Variants in ZMYND8 observed in about 807,000 individuals in gnomAD.
ZMYND8 encodes the protein MYND-type zinc finger-containing chromatin reader ZMYND8.
A neutral mutation model predicts 140.8 loss-of-function variants in ZMYND8; 37 were observed. The ratio of observed to expected loss-of-function variants is 0.26; its 90% CI spans 0.20 to 0.35. ZMYND8 has a LOEUF of 0.35. Among genes scored for constraint, ZMYND8 ranks in the 10% least tolerant of loss-of-function variants. The probability of loss-of-function intolerance (pLI) is 1.00; values close to 1 mark genes in which losing one functional copy is unlikely to be tolerated. For missense variants in ZMYND8, 1,068 were observed against 1,570.0 expected (o/e 0.68, Z 5.40); for synonymous variants, 592 against 597.1 (o/e 0.99, Z 0.12).
chr20:47,305,866 T>C (rs1162298640), intron 3 of ZMYND8, among the ~76,000 whole-genome samples: 1 of 152,150 alleles, frequency 6.6e-6, no homozygotes, highest in Non-Finnish European at 1.5e-5. Context: ...AGAGTGGTAT[T>C]TATCTGTAAA....
In ZMYND8 at chr20:47,267,504, G is replaced by T. The variant is rs6018379; in HGVS notation, c.1481-5076C>A. ...ATGGTTCAGGGCCGGGGCGGGGGGG[G>T]GGCAATTAAAAGACTGGGCAACACT... On this transcript the variant is annotated intron_variant, in intron 11 of 22. Coordinates refer to ENST00000471951, the MANE Select transcript of ZMYND8 (RefSeq NM_001281775.3). 7.9e-5 allele frequency among the ~76,000 whole-genome samples: 11 copies of T among 139,098 alleles called. No individual in the cohort carries two copies. The South Asian group carries it at 1.3e-3, about 16-fold the overall frequency. The allele number at this position is 139,098 out of a possible 152,430, so 91.3% of individuals were successfully genotyped here.
chr20:47,279,817 CT>C (rs1238485853), intron 10 of ZMYND8, among the ~76,000 whole-genome samples: 1 of 150,458 alleles, frequency 6.6e-6, no homozygotes, highest in Non-Finnish European at 1.5e-5. Context: ...TTTTACATAA[CT>C]GTGCATCTAT....
At chr20:47,332,810 C>T (rs910912577) in intron 2 of ZMYND8, among the ~76,000 whole-genome samples, 1 of 152,158 alleles carries the variant, frequency 6.6e-6, no homozygotes, top group Non-Finnish European at 1.5e-5. Flanking sequence ...TAAATCTATA[C>T]CCAAGAGAAA....
intron 2 of ZMYND8, chr20:47,319,182 C>A: frequency 4.1e-6 from 2 of 488,838 alleles, no homozygotes; most frequent in Non-Finnish European, 7.1e-6. Context: ...TCTTTGCAAT[C>A]AGGCAGTCTG....
Position 47,298,372 on chromosome 20 carries a change from A to T in ZMYND8, c.453+357T>A. 1.0e-6 allele frequency: 1 copy of T among 985,428 alleles called. No individual in the cohort carries two copies. Among genetic ancestry groups the T allele is most frequent in the Non-Finnish European group, 1.2e-6 (1 of 829,932 alleles). The allele number at this position is 985,428 out of a possible 1,614,324, so 61.0% of individuals were successfully genotyped here. A position where few individuals can be genotyped will look rare whatever the true frequency, so the allele number is the denominator to read the frequency against. On this transcript the variant is annotated intron_variant, in intron 4 of 22. Transcript: ENST00000471951. This position sits in a 1 kb window ranked among gnomAD's most constrained non-coding sequence, Gnocchi z 5.0. ...ATGATGCGGCAGGCAACAACATCCAAGACGGAGAAAACAGAATGAGATCTT... is the reference window on the plus strand; with the variant it reads ...ATGATGCGGCAGGCAACAACATCCATGACGGAGAAAACAGAATGAGATCTT...
chr20:47,241,365 G>A (rs762693956), intron 14 of ZMYND8, among the ~76,000 whole-genome samples: 3 of 151,816 alleles, frequency 2.0e-5, no homozygotes, highest in Non-Finnish European at 4.4e-5. Flanking sequence ...ACTTGAGAAC[G>A]GGAAAGACAA....
intron 11 of ZMYND8, 41 bp from the exon 12 acceptor site, chr20:47,262,469 A>G (rs575261022): frequency 1.2e-6 from 2 of 1,612,340 alleles, no homozygotes; most frequent in East Asian, 4.5e-5. Context: ...GTTTACAAAT[A>G]AACAAGTAGA....
intron 12 of ZMYND8, among the ~76,000 whole-genome samples, chr20:47,258,794 T>C (rs1248421854): frequency 6.6e-6 from 1 of 152,142 alleles, no homozygotes; most frequent in Admixed American, 6.5e-5. Context: ...TCCTTAACAT[T>C]GCCCTGCTTG....
At chr20:47,342,846 C>CA (rs1041501318) in intron 2 of ZMYND8, among the ~76,000 whole-genome samples, 322 of 74,656 alleles carry the variant, frequency 4.3e-3, no homozygotes, top group South Asian at 7.1e-3. Flanking sequence ...GACTACATCT[C>CA]AAAAAAAAAA....
At chr20:47,265,667 T>G (rs2075468699) in intron 11 of ZMYND8, among the ~76,000 whole-genome samples, 1 of 152,196 alleles carries the variant, frequency 6.6e-6, no homozygotes, top group African/African-American at 2.4e-5. Context: ...GATCTCGAAC[T>G]CCTGACCTCA....
At chr20:47,283,501 A>C in intron 9 of ZMYND8, 70 bp downstream of exon 9, 2 of 1,509,764 alleles carry the variant, frequency 1.3e-6, no homozygotes, top group African/African-American at 2.8e-5. Flanking sequence ...ACCTGGAAAA[A>C]GCTGTCTCAG....
intron 21 of ZMYND8, 60 bp from the exon 22 acceptor site, chr20:47,212,785 C>T (rs1196808067): frequency 1.4e-6 from 2 of 1,454,272 alleles, no homozygotes; most frequent in African/African-American, 2.8e-5. Context: ...CCGCACAACC[C>T]CAAGTGCTTA....
intron 4 of ZMYND8, 122 bp from the exon 5 acceptor site, chr20:47,294,901 G>C: frequency 1.2e-6 from 1 of 857,428 alleles, no homozygotes; most frequent in South Asian, 1.6e-5. Flanking sequence ...AATGAGACTT[G>C]TTGTTTCACT....
At chr20:47,255,435 G>A (rs866126061) in intron 12 of ZMYND8, among the ~76,000 whole-genome samples, 7 of 151,262 alleles carry the variant, frequency 4.6e-5, no homozygotes, top group African/African-American at 1.7e-4. Flanking sequence ...AGGGCCGGGC[G>A]TGGTAGCTCA....
rs1569028745 is a variant in ZMYND8 at position 47,262,440 on chromosome 20, TG to T, written c.1481-13del. ...GGAGGCTGGTGAAGCTGAAAAAGTA[TG>T]GCATTGTTAAAAGACAGGTTTACAA... On this transcript the variant is annotated splice_polypyrimidine_tract_variant and intron_variant, in intron 11 of 22. Coordinates refer to ENST00000471951, the MANE Select transcript of ZMYND8 (RefSeq NM_001281775.3). The T allele has an allele frequency of 6.2e-7, 1 of 1,614,000 alleles. No individual in the cohort carries two copies. Among genetic ancestry groups the T allele is most frequent in the Admixed American group, 1.7e-5 (1 of 59,970 alleles).
At chr20:47,239,267 C>G (rs957546788) in intron 14 of ZMYND8, 129 bp from the exon 15 acceptor site, 1 of 1,246,192 alleles carries the variant, frequency 8.0e-7, no homozygotes, top group Non-Finnish European at 1.1e-6. Context: ...TTCGACGTGC[C>G]AAGCACACCG....
At chr20:47,220,121 AC>A in intron 21 of ZMYND8, 136 bp downstream of exon 21, 1 of 633,490 alleles carries the variant, frequency 1.6e-6, no homozygotes, top group Non-Finnish European at 2.6e-6. Context: ...CCACTGACCC[AC>A]CCCAGGCACC....
intron 5 of ZMYND8, among the ~76,000 whole-genome samples, chr20:47,292,551 A>C (rs751472769): frequency 2.6e-5 from 4 of 152,192 alleles, no homozygotes; most frequent in Non-Finnish European, 4.4e-5. Context: ...GCATGCTCTA[A>C]ATTTTTTTTA....
chr20:47,259,159 G>C (rs1019773090), intron 12 of ZMYND8, among the ~76,000 whole-genome samples: 3 of 152,220 alleles, frequency 2.0e-5, no homozygotes, highest in East Asian at 1.9e-4. Flanking sequence ...GACTGGCAGA[G>C]AGGAAATGTC....
Sources: gnomAD v4.1 joint callset for allele counts (sites outside exome capture counted in the v4.1 genomes callset) on GRCh38, gnomAD v4.1.1 for gene constraint, Gnocchi (gnomAD v3.1) non-coding constraint, MANE v1.5 for transcripts, NCBI Gene and HGNC (gene_info 2026-07-23, HGNC 2026-07-21) for gene names.